XNDC1N: variants seen among roughly 807,000 people sequenced by gnomAD.
XNDC1N encodes the protein protein XNDC1N.
chr11:71,869,757 A>C, the XNDC1N span, among the ~76,000 whole-genome samples: 3 of 152,214 alleles, frequency 2.0e-5, no homozygotes, highest in Non-Finnish European at 4.4e-5. Flanking sequence ...ATTTCAGCCC[A>C]GTTAAGAACC....
chr11:71,908,526 G>C, the XNDC1N span, among the ~76,000 whole-genome samples: 1 of 152,050 alleles, frequency 6.6e-6, no homozygotes, highest in Non-Finnish European at 1.5e-5. Context: ...AACCCAAAAC[G>C]GGGACACAAA....
the XNDC1N span, chr11:71,894,461 T>A: frequency 0.19 from 30,624 of 158,334 alleles, 5,466 homozygotes; most frequent in African/African-American, 0.48. Flanking sequence ...AAATCTCTAC[T>A]TCTGCAAATC....
At chr11:71,922,722 T>A in the XNDC1N span, among the ~76,000 whole-genome samples, 1 of 152,186 alleles carries the variant, frequency 6.6e-6, no homozygotes, top group Non-Finnish European at 1.5e-5. Flanking sequence ...TACAGACTTA[T>A]GGCCCCAAAT....
chr11:71,870,906 A>T, the XNDC1N span, among the ~76,000 whole-genome samples: 2 of 152,214 alleles, frequency 1.3e-5, no homozygotes, highest in Non-Finnish European at 2.9e-5. Context: ...GGATGTGTAG[A>T]AAAGGGAACA....
At chr11:71,892,260 C>T in the XNDC1N span, among the ~76,000 whole-genome samples, 1 of 152,018 alleles carries the variant, frequency 6.6e-6, no homozygotes, top group East Asian at 1.9e-4. Context: ...CAAATAACAT[C>T]GCAGGGTGTA....
the XNDC1N span, among the ~76,000 whole-genome samples, chr11:71,885,235 T>C: frequency 1.3e-5 from 2 of 152,064 alleles, no homozygotes; most frequent in South Asian, 2.1e-4. Context: ...CTCTCCCAAG[T>C]TGCAATTAGA....
chr11:71,884,616 T>G, the XNDC1N span: 1 of 1,547,856 alleles, frequency 6.5e-7, no homozygotes, highest in Non-Finnish European at 8.7e-7. Flanking sequence ...TCTTAAACTC[T>G]CTTATCTATG....
the XNDC1N span, among the ~76,000 whole-genome samples, chr11:71,895,813 A>G: frequency 4.6e-5 from 7 of 152,352 alleles, no homozygotes; most frequent in African/African-American, 1.7e-4. Flanking sequence ...ATTTGTTTCA[A>G]TGAAGAAACT....
chr11:71,923,283 C>T, the XNDC1N span: 1 of 702,446 alleles, frequency 1.4e-6, no homozygotes, highest in Non-Finnish European at 2.6e-6. Flanking sequence ...ATTAAGAAAA[C>T]AAATCATGCC....
At chr11:71,892,672 T>A in the XNDC1N span, among the ~76,000 whole-genome samples, 1 of 151,174 alleles carries the variant, frequency 6.6e-6, no homozygotes, top group Non-Finnish European at 1.5e-5. Context: ...CCAGCCACCA[T>A]GCCCGGCTAA....
At chr11:71,873,151 T>C in the XNDC1N span, among the ~76,000 whole-genome samples, 45 of 141,202 alleles carry the variant, frequency 3.2e-4, no homozygotes, top group African/African-American at 1.3e-3. Flanking sequence ...TCCTATTTTG[T>C]TTCAGTTTTT....
At chr11:71,919,180 C>A in the XNDC1N span, among the ~76,000 whole-genome samples, 4,897 of 152,244 alleles carry the variant, frequency 0.032, 75 homozygotes, top group East Asian at 0.08. Flanking sequence ...ATACTGTTAT[C>A]ATGTGCCAAG....
chr11:71,919,929 CTTTTTTTTTTTTTTTTTTTTTTTTT>C, the XNDC1N span, among the ~76,000 whole-genome samples: 760 of 26,640 alleles, frequency 0.029, 25 homozygotes, highest in Middle Eastern at 0.12. Context: ...AAGCAGGCCT[CTTTTTTTTTTTTTTTTTTTTTTTTT>C]TTTTTTTTTT....
At chr11:71,866,345 G>A in the XNDC1N span, among the ~76,000 whole-genome samples, 3 of 151,980 alleles carry the variant, frequency 2.0e-5, no homozygotes, top group African/African-American at 7.3e-5. Context: ...GCAATCTGTT[G>A]GAGTACTTGA....
chr11:71,911,870 C>G, the XNDC1N span, among the ~76,000 whole-genome samples: 1 of 152,160 alleles, frequency 6.6e-6, no homozygotes, highest in Non-Finnish European at 1.5e-5. Flanking sequence ...GCATCTGCCC[C>G]CTTCTGGGCA....
At chr11:71,899,873 G>GCCCC in the XNDC1N span, among the ~76,000 whole-genome samples, 1 of 152,194 alleles carries the variant, frequency 6.6e-6, no homozygotes, top group South Asian at 2.1e-4. Context: ...GAAGGCCCCT[G>GCCCC]TCTCCTGCCT....
At chr11:71,873,420 A>G in the XNDC1N span, among the ~76,000 whole-genome samples, 1 of 152,154 alleles carries the variant, frequency 6.6e-6, no homozygotes, top group African/African-American at 2.4e-5. Context: ...TGAATTTGGG[A>G]ATATATCTTA....
chr11:71,867,457 G>A, the XNDC1N span, among the ~76,000 whole-genome samples: 4 of 152,140 alleles, frequency 2.6e-5, no homozygotes, highest in East Asian at 5.8e-4. Flanking sequence ...TCATAGTCCT[G>A]GCCATGAACA....
chr11:71,877,819 C>T, the XNDC1N span, among the ~76,000 whole-genome samples: 4 of 152,184 alleles, frequency 2.6e-5, no homozygotes, highest in South Asian at 4.2e-4. Context: ...ATTTGCTTTC[C>T]GAAGTGTATT....
Sources: allele counts gnomAD v4.1 joint callset (sites outside exome capture counted in the v4.1 genomes callset), GRCh38; gene constraint gnomAD v4.1.1; transcripts MANE v1.5; gene names NCBI Gene and HGNC (gene_info 2026-07-23, HGNC 2026-07-21).